The following DPP6 variants were observed in gnomAD, a reference collection of about 807,000 sequenced individuals.
The protein encoded by DPP6 is dipeptidyl peptidase like 6, also known as A-type potassium channel modulatory protein DPP6.
In DPP6, 69 loss-of-function variants were observed where a neutral mutation model predicts 122.6. The observed-to-expected ratio is 0.56, with a 90% CI of 0.46 to 0.69. DPP6 has a LOEUF of 0.69. Among genes scored for constraint, DPP6 ranks in the 30% least tolerant of loss-of-function variants. The pLI, the probability that DPP6 is intolerant of heterozygous loss-of-function variation, is 0.00. For synonymous variants in DPP6, 418 were observed against 433.1 expected (o/e 0.97, Z 0.43); for missense variants, 928 against 1,116.9 (o/e 0.83, Z 2.41).
intron 16 of DPP6, among the ~76,000 whole-genome samples, chr7:154,818,826 A>C (rs1165728640): frequency 6.6e-6 from 1 of 152,342 alleles, no homozygotes; most frequent in African/African-American, 2.4e-5. Flanking sequence ...AGGCTGCATG[A>C]ACCAAGAACA....
chr7:154,390,130 T>G (rs1814485975), intron 1 of DPP6, among the ~76,000 whole-genome samples: 1 of 152,222 alleles, frequency 6.6e-6, no homozygotes, highest in Admixed American at 6.5e-5. Context: ...GGTCATCTAC[T>G]GCATGCCAGT....
chr7:154,583,909 C>T (rs550901997), intron 5 of DPP6, among the ~76,000 whole-genome samples: 3 of 152,304 alleles, frequency 2.0e-5, no homozygotes, highest in Non-Finnish European at 2.9e-5. Flanking sequence ...AGGAAAAACA[C>T]CATTGTCCCC....
At chr7:154,354,259 TCA>T (rs1416682420) in intron 1 of DPP6, among the ~76,000 whole-genome samples, 3 of 152,224 alleles carry the variant, frequency 2.0e-5, no homozygotes, top group Non-Finnish European at 4.4e-5. Flanking sequence ...TCCACAATTC[TCA>T]GTCTAGTAAT....
chr7:154,781,637 T>C (rs1258233822), intron 10 of DPP6, among the ~76,000 whole-genome samples: 1 of 152,186 alleles, frequency 6.6e-6, no homozygotes, highest in East Asian at 1.9e-4. Context: ...CAGCGCTTGG[T>C]ATTTAGGGTC....
At chr7:154,593,571 T>C (rs2130740951) in intron 5 of DPP6, among the ~76,000 whole-genome samples, 1 of 152,328 alleles carries the variant, frequency 6.6e-6, no homozygotes, top group Admixed American at 6.5e-5. Flanking sequence ...AATCCTCTCT[T>C]TGACCTGGTT....
chr7:153,846,984 G>T, the DPP6 span, among the ~76,000 whole-genome samples: 1 of 152,050 alleles, frequency 6.6e-6, no homozygotes, highest in Non-Finnish European at 1.5e-5. Context: ...ACCGTGCCTG[G>T]CTGGTTCTTT....
intron 1 of DPP6, among the ~76,000 whole-genome samples, chr7:154,295,726 T>C (rs748821742): frequency 6.6e-6 from 1 of 152,212 alleles, no homozygotes; most frequent in Non-Finnish European, 1.5e-5. Context: ...TTTTGGTTTG[T>C]ATATAATTTT....
At chr7:154,826,079 A>G (rs965985590) in intron 16 of DPP6, among the ~76,000 whole-genome samples, 4 of 152,228 alleles carry the variant, frequency 2.6e-5, no homozygotes, top group African/African-American at 9.6e-5. Flanking sequence ...ACCCATGATC[A>G]TTACAAGAAT....
At chr7:154,416,419 T>C (rs1185856623) in intron 1 of DPP6, among the ~76,000 whole-genome samples, 2 of 152,036 alleles carry the variant, frequency 1.3e-5, no homozygotes, top group African/African-American at 4.8e-5. Flanking sequence ...AGAAGAAAGG[T>C]GAGTACAGTA....
At chr7:154,148,720 G>A (rs147981515) in intron 1 of DPP6, among the ~76,000 whole-genome samples, 228 of 152,048 alleles carry the variant, frequency 1.5e-3, no homozygotes, top group African/African-American at 5.2e-3. Context: ...AAGGAGACGT[G>A]CTATTTTTAG....
chr7:154,836,754 T>G (rs1201998851), intron 16 of DPP6, among the ~76,000 whole-genome samples: 1 of 152,200 alleles, frequency 6.6e-6, no homozygotes, highest in Non-Finnish European at 1.5e-5. Context: ...TCACCCAGGC[T>G]GGAGTGCAAT....
chr7:154,564,397 G>A (rs995994233), intron 4 of DPP6, among the ~76,000 whole-genome samples: 1 of 152,076 alleles, frequency 6.6e-6, no homozygotes, highest in African/African-American at 2.4e-5. Context: ...AACTAATGAG[G>A]CATGTTTACA....
chr7:154,852,509 C>CCTCTCCTGCCTCTCCTG (rs1563283397), intron 16 of DPP6, among the ~76,000 whole-genome samples: 1 of 34,716 alleles, frequency 2.9e-5, no homozygotes, highest in Non-Finnish European at 8.8e-5. Flanking sequence ...TGCCTCTCCT[C>CCTCTCCTGCCTCTCCTG]CCTCTCCTCC....
At position 154,241,734 on chromosome 7, in the gene DPP6, A is replaced by G. The variant is rs1415553583; in HGVS notation, c.243+188671A>G. Among the ~76,000 whole-genome samples the G allele has an allele frequency of 6.6e-6, 1 of 152,126 alleles. No individual in the cohort carries two copies. Among genetic ancestry groups the G allele is most frequent in the East Asian group, 1.9e-4 (1 of 5,198 alleles). On this transcript the variant is annotated intron_variant, in intron 1 of 25. Coordinates refer to ENST00000377770, the MANE Select transcript of DPP6 (RefSeq NM_130797.4). The surrounding 1 kb of genome is among the most constrained non-coding windows in gnomAD (Gnocchi z 9.0). ...ATTTCCCGAAGCTAACACGTGTCTA[A>G]CCTGTTTCCCATATTATGTTTTAAG...
chr7:153,970,971 A>G (rs1421752585), intron 1 of DPP6, among the ~76,000 whole-genome samples: 1 of 152,182 alleles, frequency 6.6e-6, no homozygotes, highest in Non-Finnish European at 1.5e-5. Context: ...ATTCTAGATT[A>G]CTTATGTTTC....
intron 6 of DPP6, among the ~76,000 whole-genome samples, chr7:154,666,782 T>C (rs6963085): frequency 0.34 from 52,038 of 152,100 alleles, 9,512 homozygotes; most frequent in Admixed American, 0.45. Context: ...CAACTACAAA[T>C]AAAACTGCAA....
intron 1 of DPP6, among the ~76,000 whole-genome samples, chr7:154,378,347 A>G (rs982124252): frequency 6.6e-6 from 1 of 152,232 alleles, no homozygotes; most frequent in South Asian, 2.1e-4. Context: ...TTAGATATAA[A>G]CTACCATCAA....
chr7:154,653,569 A>G (rs1837024011), intron 6 of DPP6, among the ~76,000 whole-genome samples: 1 of 152,172 alleles, frequency 6.6e-6, no homozygotes, highest in South Asian at 2.1e-4. Context: ...AAATCAATCC[A>G]TTAATGGATA....
At chr7:154,471,146 G>A (rs1822237302) in intron 2 of DPP6, among the ~76,000 whole-genome samples, 1 of 152,142 alleles carries the variant, frequency 6.6e-6, no homozygotes, top group South Asian at 2.1e-4. Flanking sequence ...AGCTACTCGG[G>A]AGGCTGAGGC....
Sources: gnomAD v4.1 joint callset for allele counts (sites outside exome capture counted in the v4.1 genomes callset) on GRCh38, gnomAD v4.1.1 for gene constraint, Gnocchi (gnomAD v3.1) non-coding constraint, MANE v1.5 for transcripts, NCBI Gene and HGNC (gene_info 2026-07-23, HGNC 2026-07-21) for gene names.